C1orf185: variants seen among roughly 807,000 people sequenced by gnomAD.
The protein encoded by C1orf185 is uncharacterized protein C1orf185.
A neutral mutation model predicts 16.1 loss-of-function variants in C1orf185; 13 were observed. The observed-to-expected ratio is 0.81, with a 90% confidence interval of 0.53 to 1.28. The LOEUF is 1.28. C1orf185 is among the 50% of genes most tolerant of loss of function. C1orf185 has a pLI of 0.00. For synonymous variants in C1orf185, 80 were observed against 76.9 expected (o/e 1.04, Z -0.21); for missense variants, 220 against 225.2 (o/e 0.98, Z 0.15).
chr1:51,148,424 GA>G (rs1268147097), downstream of C1orf185, among the ~76,000 whole-genome samples: 1 of 151,944 alleles, frequency 6.6e-6, no homozygotes, highest in Non-Finnish European at 1.5e-5. Flanking sequence ...CGCCTGGCCA[GA>G]AAAAAATATA....
chr1:51,130,512 G>T (rs928227548), intron 3 of C1orf185, among the ~76,000 whole-genome samples: 1 of 151,974 alleles, frequency 6.6e-6, no homozygotes, highest in South Asian at 2.1e-4. Context: ...ATCCTTGCCG[G>T]CATTTGATAC....
At chr1:51,141,836 A>T (rs1239348177) in intron 3 of C1orf185, among the ~76,000 whole-genome samples, 2 of 151,810 alleles carry the variant, frequency 1.3e-5, no homozygotes, top group Non-Finnish European at 2.9e-5. Flanking sequence ...TATATATATA[A>T]TTTTTTTTCT....
At position 51,143,688 on chromosome 1, in the gene C1orf185, A is replaced by T. The variant is rs771783411; in HGVS notation, c.259-2036A>T. On this transcript the variant is annotated intron_variant, in intron 3 of 4. Coordinates refer to ENST00000371759, the MANE Select transcript of C1orf185 (RefSeq NM_001136508.2). ...TTGATTAATTAATTATTTTGAGACA[A>T]GGTCTTGCTTTGTCACCCAGTCTGG... is the stretch of plus-strand genomic sequence containing the variant. Among the ~76,000 whole-genome samples, 81 of 152,180 alleles carry T rather than the reference A, an allele frequency of 5.3e-4. 1 individual carries two copies. The highest frequency in any genetic ancestry group is 9.2e-4 in the Admixed American group (14 of 15,260).
At chr1:51,115,331 C>G (rs1383706422) in intron 2 of C1orf185, among the ~76,000 whole-genome samples, 7 of 152,158 alleles carry the variant, frequency 4.6e-5, no homozygotes, top group Non-Finnish European at 8.8e-5. Flanking sequence ...GAACAAGACT[C>G]TGTCTCAAAA....
intron 3 of C1orf185, among the ~76,000 whole-genome samples, chr1:51,137,576 G>A (rs1357741222): frequency 2.0e-5 from 3 of 152,008 alleles, no homozygotes; most frequent in Non-Finnish European, 4.4e-5. Flanking sequence ...AGGCTGCAGA[G>A]AAAAAGGAAC....
At chr1:51,122,678 T>C (rs576566587) in intron 3 of C1orf185, among the ~76,000 whole-genome samples, 16 of 152,336 alleles carry the variant, frequency 1.1e-4, no homozygotes, top group African/African-American at 3.8e-4. Flanking sequence ...TGTGCAATCA[T>C]GTCATTACAG....
intron 1 of C1orf185, among the ~76,000 whole-genome samples, chr1:51,105,475 A>AAT (rs1325382532): frequency 6.6e-6 from 1 of 152,178 alleles, no homozygotes; most frequent in Non-Finnish European, 1.5e-5. Context: ...CCTTCCTACT[A>AAT]AGCAGCATAC....
downstream of C1orf185, among the ~76,000 whole-genome samples, chr1:51,149,639 T>C (rs1456611960): frequency 2.0e-5 from 3 of 152,216 alleles, no homozygotes; most frequent in Admixed American, 2.0e-4. Flanking sequence ...AGATTCTGGC[T>C]TTCATCTGAC....
intron 3 of C1orf185, among the ~76,000 whole-genome samples, chr1:51,119,562 G>A (rs779006312): frequency 3.3e-5 from 5 of 152,232 alleles, no homozygotes; most frequent in Non-Finnish European, 5.9e-5. Flanking sequence ...GAAACCAAGG[G>A]CGGGAGGATT....
chr1:51,150,311 G>A (rs547728541), downstream of C1orf185, among the ~76,000 whole-genome samples: 35 of 151,086 alleles, frequency 2.3e-4, no homozygotes, highest in Non-Finnish European at 3.7e-4. Flanking sequence ...TCCTGCCTCC[G>A]CCTCCTGAGT....
chr1:51,114,738 A>G (rs1646145844), intron 2 of C1orf185, among the ~76,000 whole-genome samples: 1 of 152,142 alleles, frequency 6.6e-6, no homozygotes, highest in African/African-American at 2.4e-5. Context: ...AAATAAGTAA[A>G]TAAAGACTAT....
intron 2 of C1orf185, among the ~76,000 whole-genome samples, chr1:51,113,241 T>C (rs1646136025): frequency 6.6e-6 from 1 of 152,022 alleles, no homozygotes; most frequent in Admixed American, 6.6e-5. Context: ...CTTTAGGAGA[T>C]ATTTAAGAAA....
At chr1:51,110,102 A>G (rs1646105264) in intron 1 of C1orf185, among the ~76,000 whole-genome samples, 1 of 152,202 alleles carries the variant, frequency 6.6e-6, no homozygotes, top group Non-Finnish European at 1.5e-5. Flanking sequence ...TTAAATTACT[A>G]CTATTCCCCC....
intron 2 of C1orf185, among the ~76,000 whole-genome samples, chr1:51,116,642 A>G (rs1646159860): frequency 6.6e-6 from 1 of 152,014 alleles, no homozygotes; most frequent in African/African-American, 2.4e-5. Context: ...CACACTCACT[A>G]TATTTTAAAG....
chr1:51,103,721 G>A (rs935836297), intron 1 of C1orf185, among the ~76,000 whole-genome samples: 12 of 152,202 alleles, frequency 7.9e-5, no homozygotes, highest in South Asian at 4.2e-4. Context: ...TTTTAGTAGA[G>A]ACAGGGTTTC....
intron 3 of C1orf185, among the ~76,000 whole-genome samples, chr1:51,142,925 G>A (rs1646374800): frequency 2.0e-5 from 3 of 151,940 alleles, no homozygotes; most frequent in Admixed American, 2.0e-4. Context: ...CATCATGCCT[G>A]GCTAATTTTT....
intron 2 of C1orf185, among the ~76,000 whole-genome samples, chr1:51,117,415 G>A (rs1175863496): frequency 6.6e-6 from 1 of 152,104 alleles, no homozygotes; most frequent in Non-Finnish European, 1.5e-5. Flanking sequence ...TCTTGGTGTT[G>A]TATATTCTGT....
chr1:51,123,085 A>G (rs1408664738), intron 3 of C1orf185, among the ~76,000 whole-genome samples: 1 of 152,104 alleles, frequency 6.6e-6, no homozygotes, highest in Non-Finnish European at 1.5e-5. Flanking sequence ...GGATTTCTGC[A>G]AAGTCCTGGG....
chr1:51,104,349 A>G (rs1646054239), intron 1 of C1orf185, among the ~76,000 whole-genome samples: 1 of 152,228 alleles, frequency 6.6e-6, no homozygotes, highest in South Asian at 2.1e-4. Flanking sequence ...TCCTGGTACA[A>G]ATACTTAGTA....
Sources: gnomAD v4.1 joint callset for allele counts (sites outside exome capture counted in the v4.1 genomes callset) on GRCh38, gnomAD v4.1.1 for gene constraint, MANE v1.5 for transcripts, NCBI Gene and HGNC (gene_info 2026-07-23, HGNC 2026-07-21) for gene names.